Variants in ADCY5 observed in about 807,000 individuals in gnomAD.
ADCY5 encodes the protein adenylate cyclase 5, also known as adenylate cyclase type 5.
ADCY5 carries 30 observed loss-of-function variants against 119.7 expected under a neutral mutation model. The observed-to-expected ratio is 0.25, with a 90% CI of 0.19 to 0.34. The LOEUF is 0.34. Among genes scored for constraint, ADCY5 ranks in the 10% least tolerant of loss-of-function variants. The pLI is 1.00. For missense variants in ADCY5, 1,324 were observed against 1,775.2 expected, an observed-to-expected ratio of 0.75 and a Z score of 4.57; for synonymous variants, 753 against 762.2, an observed-to-expected ratio of 0.99 and a Z score of 0.20.
intron 1 of ADCY5, among the ~76,000 whole-genome samples, chr3:123,389,529 G>A (rs769437410): frequency 1.3e-5 from 2 of 151,862 alleles, no homozygotes; most frequent in Non-Finnish European, 2.9e-5. Context: ...CCCCTGCTGC[G>A]AGCACACACA....
At chr3:123,447,267 G>C (rs1407716116) in intron 1 of ADCY5, 145 bp downstream of exon 1, 1 of 925,640 alleles carries the variant, frequency 1.1e-6, no homozygotes, top group African/African-American at 1.7e-5. Flanking sequence ...GGGGTAAGAA[G>C]CTCCCAAATA....
At chr3:123,345,558 C>T (rs960245608) in intron 3 of ADCY5, among the ~76,000 whole-genome samples, 1 of 152,108 alleles carries the variant, frequency 6.6e-6, no homozygotes, top group African/African-American at 2.4e-5. Context: ...TGACTTGGCT[C>T]GTATATGTTG....
At chr3:123,291,604 C>A (rs1939155997) in intron 17 of ADCY5, among the ~76,000 whole-genome samples, 1 of 152,156 alleles carries the variant, frequency 6.6e-6, no homozygotes, top group Non-Finnish European at 1.5e-5. Context: ...CATTTCTGAG[C>A]CTCGAACTCT....
rs143500172 is a variant in ADCY5 at position 123,289,901 on chromosome 3, G to A, written c.3381C>T (p.Ser1127=). The A allele has an allele frequency of 1.1e-5, 18 of 1,614,106 alleles. No individual in the cohort carries two copies. Among genetic ancestry groups the A allele is most frequent in the Non-Finnish European group, 1.4e-5 (16 of 1,180,040 alleles). Residue 1127 remains serine (S), a synonymous_variant, in exon 19 of 21, where the codon AGC becomes AGT. Coordinates refer to ENST00000462833, the MANE Select transcript of ADCY5 (RefSeq NM_183357.3). ...RQLEKIKTIG[S]TYMAASGLND... is the part of the protein sequence containing the mutation. ...TGAGGCCGGAGGCAGCCATGTAGGT[G>A]CTGCCGATGGTCTTGATCTTCTCCA...
intron 18 of ADCY5, 127 bp downstream of exon 18, chr3:123,290,986 A>G: frequency 1.6e-6 from 2 of 1,272,808 alleles, no homozygotes; most frequent in South Asian, 3.1e-5. Flanking sequence ...CCGCCGGCAG[A>G]GCTCCCATCA....
At chr3:123,410,191 C>T (rs1305408570) in intron 1 of ADCY5, among the ~76,000 whole-genome samples, 1 of 152,202 alleles carries the variant, frequency 6.6e-6, no homozygotes, top group African/African-American at 2.4e-5. Context: ...AGGATGGGGG[C>T]TGGAACACAG....
chr3:123,396,835 A>AGACAGAGAGAGAGAGG (rs1944608975), intron 1 of ADCY5, among the ~76,000 whole-genome samples: 1 of 151,020 alleles, frequency 6.6e-6, no homozygotes, highest in African/African-American at 2.4e-5. Context: ...AGAGAGAGAG[A>AGACAGAGAGAGAGAGG]GAGAGAGACA....
At position 123,351,143 on chromosome 3, in the gene ADCY5, C is replaced by T. The variant is rs72964580; in HGVS notation, c.1284+1289G>A. On this transcript the variant is annotated intron_variant, in intron 2 of 20. Transcript: ENST00000462833. ...TAAGTGGAGACCTGACAAGACATGG[C>T]GACCACCGAGGCAGCGCTGGAAGGG... Among the ~76,000 whole-genome samples, 472 of 152,184 alleles carry T rather than the reference C, an allele frequency of 3.1e-3. 3 individuals carry two copies. The highest frequency in any genetic ancestry group is 0.011 in the African/African-American group (449 of 41,530).
chr3:123,435,601 A>T (rs1945595394), intron 1 of ADCY5, among the ~76,000 whole-genome samples: 1 of 151,976 alleles, frequency 6.6e-6, no homozygotes, highest in Non-Finnish European at 1.5e-5. Flanking sequence ...TACTAAGAAA[A>T]CCTTTTTTTT....
At chr3:123,308,846 AAG>A (rs1491478257) in intron 12 of ADCY5, among the ~76,000 whole-genome samples, 4 of 151,252 alleles carry the variant, frequency 2.6e-5, no homozygotes, top group Non-Finnish European at 4.4e-5. Context: ...AACAAACAAA[AAG>A]AAAAAACAAA....
intron 4 of ADCY5, among the ~76,000 whole-genome samples, chr3:123,332,077 T>G (rs1246928414): frequency 6.6e-6 from 1 of 152,178 alleles, no homozygotes; most frequent in African/African-American, 2.4e-5. Context: ...TACTTCCAAT[T>G]TATCCAAACG....
rs1045613208 is a variant in ADCY5, at chr3:123,360,420, C to A, written c.1135-7839G>T. ...AGAGCTTAGGATGCCTCCTGAGGGG[C>A]CTCCAGCCTCTGTAAACACCATTCT... On this transcript the variant is annotated intron_variant, in intron 1 of 20. Coordinates refer to ENST00000462833, the MANE Select transcript of ADCY5 (RefSeq NM_183357.3). Among the ~76,000 whole-genome samples, 4 of 152,144 alleles carry A rather than the reference C, an allele frequency of 2.6e-5. No homozygotes were observed. The East Asian group carries it at 5.8e-4, about 22-fold the overall frequency.
chr3:123,446,848 G>A (rs992670478), intron 1 of ADCY5, among the ~76,000 whole-genome samples: 1 of 152,154 alleles, frequency 6.6e-6, no homozygotes, highest in African/African-American at 2.4e-5. Context: ...TCTGCTAACT[G>A]AAACAAACTT....
chr3:123,313,350 G>A (rs1321127633), intron 12 of ADCY5, among the ~76,000 whole-genome samples: 1 of 152,190 alleles, frequency 6.6e-6, no homozygotes, highest in Non-Finnish European at 1.5e-5. Flanking sequence ...AGGAAGACAT[G>A]GTGCTCACTG....
chr3:123,430,288 G>C (rs1211614516), intron 1 of ADCY5, among the ~76,000 whole-genome samples: 1 of 152,196 alleles, frequency 6.6e-6, no homozygotes, highest in Non-Finnish European at 1.5e-5. Context: ...CAGCCTTACA[G>C]ATCTGGACTC....
chr3:123,424,534 C>T (rs770968960), intron 1 of ADCY5, among the ~76,000 whole-genome samples: 1 of 152,202 alleles, frequency 6.6e-6, no homozygotes, highest in African/African-American at 2.4e-5. Context: ...ACACATGAGC[C>T]GTTCCCAGGG....
At chr3:123,424,304 G>A (rs1243407471) in intron 1 of ADCY5, among the ~76,000 whole-genome samples, 19 of 152,216 alleles carry the variant, frequency 1.2e-4, no homozygotes, top group Non-Finnish European at 1.5e-5. Context: ...CTCCTTTCAT[G>A]AGCAGAGTCC....
chr3:123,336,983 T>C (rs1942058268), intron 3 of ADCY5, among the ~76,000 whole-genome samples: 1 of 152,176 alleles, frequency 6.6e-6, no homozygotes, highest in East Asian at 1.9e-4. Context: ...GATTGTCTTT[T>C]TCTGTTTTAT....
intron 3 of ADCY5, among the ~76,000 whole-genome samples, chr3:123,342,100 A>G (rs528986313): frequency 1.3e-5 from 2 of 152,200 alleles, no homozygotes; most frequent in East Asian, 3.9e-4. Flanking sequence ...CCGGCCCAGA[A>G]TACTTTTCTT....
Sources: gnomAD v4.1 joint callset for allele counts (sites outside exome capture counted in the v4.1 genomes callset) on GRCh38, gnomAD v4.1.1 for gene constraint, MANE v1.5 for transcripts, NCBI Gene and HGNC (gene_info 2026-07-23, HGNC 2026-07-21) for gene names.